Variants in AGBL1 observed in about 807,000 individuals in gnomAD.
The protein encoded by AGBL1 is AGBL carboxypeptidase 1.
A neutral mutation model predicts 118.9 loss-of-function variants in AGBL1; 130 were observed. That is an observed-to-expected ratio of 1.09 (90% CI 0.95 to 1.26). The LOEUF (loss-of-function observed/expected upper bound fraction) is 1.26, where lower values mean the gene tolerates loss of function less well. Among genes scored for constraint, AGBL1 ranks in the 50% most tolerant of loss-of-function variants. The probability of loss-of-function intolerance (pLI) is 0.00; values close to 1 mark genes in which losing one functional copy is unlikely to be tolerated. For missense variants in AGBL1, 1,584 were observed against 1,298.1 expected (o/e 1.22, Z -3.38); for synonymous variants, 555 against 478.9 (o/e 1.16, Z -2.08).
chr15:86,916,359 A>C (rs1000286073), downstream of AGBL1, among the ~76,000 whole-genome samples: 1 of 152,196 alleles, frequency 6.6e-6, no homozygotes, highest in South Asian at 2.1e-4. Context: ...AGAAAAAATA[A>C]CAGAGAATAA....
chr15:86,251,488 A>C (rs1170481764), intron 7 of AGBL1, among the ~76,000 whole-genome samples: 5 of 152,224 alleles, frequency 3.3e-5, no homozygotes, highest in Non-Finnish European at 2.9e-5. Context: ...TCCTAAATTA[A>C]TTTTATTGAT....
chr15:86,274,711 T>G (rs187727592), intron 15 of AGBL1, among the ~76,000 whole-genome samples: 1 of 152,064 alleles, frequency 6.6e-6, no homozygotes, highest in East Asian at 1.9e-4. Flanking sequence ...CAGTGATGAG[T>G]GGATAAGATT....
intron 20 of AGBL1, among the ~76,000 whole-genome samples, chr15:86,549,751 G>C (rs2083638538): frequency 6.6e-6 from 1 of 151,186 alleles, no homozygotes; most frequent in African/African-American, 2.4e-5. Flanking sequence ...ATGTTCAAAA[G>C]TTAATGGCAA....
At chr15:86,497,225 C>CT (rs2082866007) in intron 18 of AGBL1, among the ~76,000 whole-genome samples, 1 of 151,862 alleles carries the variant, frequency 6.6e-6, no homozygotes, top group South Asian at 2.1e-4. Flanking sequence ...TTCTCTGTGC[C>CT]TTTTTTGCTT....
intron 22 of AGBL1, among the ~76,000 whole-genome samples, chr15:86,838,714 A>G (rs2079201978): frequency 6.6e-6 from 1 of 151,904 alleles, no homozygotes; most frequent in South Asian, 2.1e-4. Context: ...CCGAGGCAGA[A>G]AGACTGCTTG....
intron 1 of AGBL1, among the ~76,000 whole-genome samples, chr15:86,127,743 A>G (rs1322804509): frequency 2.6e-5 from 4 of 152,154 alleles, no homozygotes; most frequent in Non-Finnish European, 5.9e-5. Context: ...GATAAATGAG[A>G]TGGGGTTGGA....
chr15:86,606,396 G>A (rs1286648575), intron 21 of AGBL1, among the ~76,000 whole-genome samples: 2 of 152,134 alleles, frequency 1.3e-5, no homozygotes, highest in African/African-American at 4.8e-5. Context: ...AGTAAAGACA[G>A]AGAGATGGCC....
At chr15:86,932,157 A>G (rs2080613929) in intron 23 of AGBL1, among the ~76,000 whole-genome samples, 1 of 152,218 alleles carries the variant, frequency 6.6e-6, no homozygotes, top group African/African-American at 2.4e-5. Context: ...CAGGTTTCCC[A>G]AGACCTAACA....
intron 1 of AGBL1, among the ~76,000 whole-genome samples, chr15:86,106,550 G>A (rs955395454): frequency 6.6e-6 from 1 of 152,176 alleles, no homozygotes; most frequent in African/African-American, 2.4e-5. Flanking sequence ...TAATGGCGAG[G>A]GATGCTACTG....
intron 21 of AGBL1, among the ~76,000 whole-genome samples, chr15:86,634,938 C>T (rs1236352717): frequency 6.6e-6 from 1 of 151,816 alleles, no homozygotes; most frequent in Non-Finnish European, 1.5e-5. Flanking sequence ...ATTGACTTAA[C>T]AAGAGATGGC....
intron 18 of AGBL1, among the ~76,000 whole-genome samples, chr15:86,508,005 CTTTT>C (rs397853754): frequency 7.9e-6 from 1 of 126,600 alleles, no homozygotes. Flanking sequence ...AGTGATTTGC[CTTTT>C]TTTTTTTTTT....
At position 86,518,836 on chromosome 15, in the gene AGBL1, G is replaced by A. The variant is rs190954984; in HGVS notation, c.2556-3974G>A. Among the ~76,000 whole-genome samples the A allele has an allele frequency of 4.0e-5, 6 of 151,730 alleles. No homozygotes were observed. In the East Asian group the frequency reaches 1.2e-3, roughly 29 times the overall value. On this transcript the variant is annotated intron_variant, in intron 18 of 22. Transcript: ENST00000614907. ...GGCAAGGTTATCACATCTCTGGTGTGCATTTGTTGAGAGAGTTACAGGGAT... is the reference window on the plus strand; with the variant it reads ...GGCAAGGTTATCACATCTCTGGTGTACATTTGTTGAGAGAGTTACAGGGAT...
At chr15:86,199,460 G>A (rs1255215341) in intron 5 of AGBL1, among the ~76,000 whole-genome samples, 1 of 152,190 alleles carries the variant, frequency 6.6e-6, no homozygotes, top group South Asian at 2.1e-4. Context: ...AAATGTAATT[G>A]GCTAATAGTT....
intron 22 of AGBL1, 58 bp from the exon 23 acceptor site, chr15:86,907,029 C>T (rs2080289985): frequency 6.6e-6 from 1 of 152,304 alleles, no homozygotes; most frequent in South Asian, 2.1e-4. Context: ...TGTACATTTT[C>T]CCTGTCTACC....
chr15:86,087,291 G>A (rs548365751), intron 1 of AGBL1, among the ~76,000 whole-genome samples: 1 of 149,924 alleles, frequency 6.7e-6, no homozygotes, highest in Non-Finnish European at 1.5e-5. Flanking sequence ...CAAGTCAGGA[G>A]CTATGCAAAG....
chr15:86,133,432 C>T (rs1247126794), intron 1 of AGBL1, among the ~76,000 whole-genome samples: 5 of 152,192 alleles, frequency 3.3e-5, no homozygotes, highest in South Asian at 2.1e-4. Flanking sequence ...ACAATAAACC[C>T]GGCACCTATT....
At chr15:86,376,894 T>C (rs1309850463) in intron 17 of AGBL1, among the ~76,000 whole-genome samples, 1 of 152,250 alleles carries the variant, frequency 6.6e-6, no homozygotes, top group Non-Finnish European at 1.5e-5. Context: ...TGATGCTTCA[T>C]TGCATAGTTA....
At chr15:86,467,424 C>A (rs1326560935) in intron 18 of AGBL1, among the ~76,000 whole-genome samples, 1 of 152,182 alleles carries the variant, frequency 6.6e-6, no homozygotes, top group Non-Finnish European at 1.5e-5. Context: ...GGGGTGAGTT[C>A]TCCTGAGCAA....
At position 86,739,721 on chromosome 15, in the gene AGBL1, A is replaced by G. The variant is rs1182848831; in HGVS notation, c.3158+65285A>G. Among the ~76,000 whole-genome samples, 3 of 152,234 alleles carry G rather than the reference A, an allele frequency of 2.0e-5. No homozygotes were observed. The East Asian group carries it at 5.8e-4, about 29-fold the overall frequency. ...GGAAATGGCAGCAACTATCATTATTACTTTTATCATTGTCCCTTTCAAAAC... is the reference window on the plus strand; with the variant it reads ...GGAAATGGCAGCAACTATCATTATTGCTTTTATCATTGTCCCTTTCAAAAC... On this transcript the variant is annotated intron_variant, in intron 22 of 22. Transcript: ENST00000614907.
Sources: allele counts gnomAD v4.1 joint callset (sites outside exome capture counted in the v4.1 genomes callset), GRCh38; gene constraint gnomAD v4.1.1; transcripts MANE v1.5; gene names NCBI Gene and HGNC (gene_info 2026-07-23, HGNC 2026-07-21).